The following TEX15 variants were observed in gnomAD, a reference collection of about 807,000 sequenced individuals.
The protein encoded by TEX15 is testis-expressed protein 15.
TEX15 carries 171 observed loss-of-function variants against 237.3 expected under a neutral mutation model. That is an observed-to-expected ratio of 0.72 (90% CI 0.64 to 0.82). The LOEUF is 0.82. Among genes scored for constraint, TEX15 ranks in the 40% least tolerant of loss-of-function variants. TEX15 has a pLI of 0.00. For synonymous variants in TEX15, 1,338 were observed against 1,269.8 expected, an observed-to-expected ratio of 1.05 and a Z score of -1.14; for missense variants, 3,750 against 3,646.5, an observed-to-expected ratio of 1.03 and a Z score of -0.73.
chr8:30,858,504 G>A (rs323358), intron 7 of TEX15, among the ~76,000 whole-genome samples, 164 bp downstream of exon 7: 3,319 of 152,116 alleles, frequency 0.022, 117 homozygotes, highest in African/African-American at 0.075. Context: ...TAGAGACGGG[G>A]TTTTGCTATG....
At position 30,837,024 on chromosome 8, in the gene TEX15, G is replaced by A. The variant is rs747547808; in HGVS notation, c.9260C>T (p.Thr3087Ile). Residue 3087 changes from threonine (T) to isoleucine (I), a missense_variant, in exon 10 of 11, where the codon ACA (threonine) becomes ATA (isoleucine). By Grantham distance (89) the Thr-to-Ile change is moderately conservative. Coordinates refer to ENST00000643185, the MANE Select transcript of TEX15 (RefSeq NM_001350162.2). ...TTGAGAGTACAGAAGATTAGAATGT[G>A]TGCCCTGGGCAGTACTTGCAACTGT... ...LTTVASTAQG[T>I]HSNLLYSQYF... is the part of the protein sequence containing the mutation. 8 of 1,614,148 alleles carry A rather than the reference G, an allele frequency of 5.0e-6. No homozygotes were observed. In the Admixed American group the frequency reaches 1.2e-4, roughly 24 times the overall value.
At chr8:30,897,607 G>C (rs1005162850) in intron 2 of TEX15, among the ~76,000 whole-genome samples, 2 of 152,120 alleles carry the variant, frequency 1.3e-5, no homozygotes, top group African/African-American at 4.8e-5. Context: ...AACCAAATGT[G>C]ACAAAACCAC....
intron 5 of TEX15, 96 bp from the exon 6 acceptor site, chr8:30,860,153 T>C (rs1808014242): frequency 1.8e-6 from 2 of 1,130,320 alleles, no homozygotes; most frequent in South Asian, 3.7e-5. Context: ...CATTGCTTTG[T>C]TTTTCTGAGA....
chr8:30,836,712 A>T, intron 10 of TEX15, 91 bp downstream of exon 10: 1 of 1,159,342 alleles, frequency 8.6e-7, no homozygotes, highest in Non-Finnish European at 1.2e-6. Flanking sequence ...TTCTCCCTCT[A>T]ACTCATCACT....
chr8:30,837,466 T>G lies in TEX15; in HGVS notation c.8818A>C (p.Ile2940Leu). The G allele has an allele frequency of 6.2e-7, 1 of 1,614,098 alleles. No homozygotes were observed. The highest frequency in any genetic ancestry group is 8.5e-7 in the Non-Finnish European group (1 of 1,179,986). ...NSSCMTSPEP[I>L]CIQNKIPTLQ... is the part of the protein sequence containing the mutation. ...GTAGGAATTTTGTTCTGGATACAGATGGGTTCTGGAGAAGTCATGCATGAG... is the reference window on the plus strand; with the variant it reads ...GTAGGAATTTTGTTCTGGATACAGAGGGGTTCTGGAGAAGTCATGCATGAG... The change falls in exon 10 of 11, where the codon ATC becomes CTC. Residue 2940 changes from isoleucine (I) to leucine (L), a missense_variant. By Grantham distance (5) the Ile-to-Leu change is conservative. Transcript: ENST00000643185.
Position 30,847,130 on chromosome 8 carries a change from A to G in TEX15, c.3037T>C (p.Ser1013Pro). ...AACAAACCAAAATCTGGACTTTCAG[A>G]AGAACAAGTTTCTTTAAACTGGTAT... Reference protein sequence around the residue: ...QIYQFKETCSSESPDFGLLVK... With the variant: ...QIYQFKETCSPESPDFGLLVK... Residue 1013 changes from serine to proline, a missense_variant, in exon 8 of 11, where the codon TCT (serine) becomes CCT (proline). Physicochemically the swap from Ser to Pro is moderately conservative, Grantham distance 74 (BLOSUM62 -1). Coordinates refer to ENST00000643185, the MANE Select transcript of TEX15 (RefSeq NM_001350162.2). The G allele has an allele frequency of 6.2e-7, 1 of 1,613,826 alleles. No individual in the cohort carries two copies. Among genetic ancestry groups the G allele is most frequent in the African/African-American group, 1.3e-5 (1 of 75,066 alleles).
chr8:30,898,651 C>A (rs1426930167), intron 2 of TEX15, 91 bp downstream of exon 2: 1 of 151,864 alleles, frequency 6.6e-6, no homozygotes, highest in Non-Finnish European at 1.5e-5. Context: ...TCTTTATTGC[C>A]GAATTATTTA....
intron 2 of TEX15, among the ~76,000 whole-genome samples, chr8:30,889,954 C>CACATATATATATATATATATACATAT (rs1554502343): frequency 1.8e-5 from 2 of 110,086 alleles, no homozygotes; most frequent in Admixed American, 1.8e-4. Flanking sequence ...TATATATATA[C>CACATATATATATATATATATACATAT]ATATATATAT....
At chr8:30,838,176 T>C (rs1217222102) in intron 9 of TEX15, 115 bp from the exon 10 acceptor site, 8 of 950,066 alleles carry the variant, frequency 8.4e-6, no homozygotes, top group Non-Finnish European at 1.2e-5. Flanking sequence ...AGCTTTACGT[T>C]TTCCCATTCT....
intron 2 of TEX15, among the ~76,000 whole-genome samples, chr8:30,897,235 G>T (rs1305815601): frequency 2.6e-5 from 4 of 152,150 alleles, no homozygotes; most frequent in African/African-American, 9.7e-5. Context: ...AAGGTTTAAA[G>T]TTGTATTGTA....
intron 1 of TEX15, among the ~76,000 whole-genome samples, chr8:30,905,126 A>G (rs541021774): frequency 5.9e-5 from 9 of 152,290 alleles, no homozygotes; most frequent in African/African-American, 2.2e-4. Flanking sequence ...CATTCATTTT[A>G]AGATTCTACC....
At chr8:30,873,894 T>C (rs893004150) in intron 4 of TEX15, among the ~76,000 whole-genome samples, 5 of 152,178 alleles carry the variant, frequency 3.3e-5, no homozygotes, top group Admixed American at 1.3e-4. Flanking sequence ...TCATTTACAA[T>C]GTTTTAACAG....
chr8:30,853,035 T>C (rs1244274993), intron 7 of TEX15, among the ~76,000 whole-genome samples: 1 of 152,234 alleles, frequency 6.6e-6, no homozygotes, highest in Non-Finnish European at 1.5e-5. Flanking sequence ...AATATGCTGA[T>C]AGCCAACACA....
intron 1 of TEX15, among the ~76,000 whole-genome samples, chr8:30,905,351 G>A (rs2128779795): frequency 6.6e-6 from 1 of 151,538 alleles, no homozygotes. Flanking sequence ...TAGCATTCTA[G>A]GCAGAGAATG....
intron 2 of TEX15, among the ~76,000 whole-genome samples, chr8:30,890,271 G>T (rs1470046456): frequency 6.6e-6 from 1 of 151,662 alleles, no homozygotes; most frequent in Non-Finnish European, 1.5e-5. Flanking sequence ...AACTTTAAGC[G>T]AATACATTTA....
At chr8:30,852,812 G>A (rs1288007002) in intron 7 of TEX15, among the ~76,000 whole-genome samples, 2 of 152,174 alleles carry the variant, frequency 1.3e-5, no homozygotes, top group Non-Finnish European at 2.9e-5. Context: ...CTACCAAATA[G>A]TTATTAGTAC....
intron 3 of TEX15, among the ~76,000 whole-genome samples, chr8:30,885,332 G>A (rs537903115): frequency 1.1e-4 from 16 of 152,256 alleles, no homozygotes; most frequent in African/African-American, 3.1e-4. Flanking sequence ...TCTCATGATA[G>A]TGAATGGGTC....
chr8:30,883,505 T>C (rs1223210929), intron 3 of TEX15, among the ~76,000 whole-genome samples: 1 of 152,116 alleles, frequency 6.6e-6, no homozygotes, highest in African/African-American at 2.4e-5. Context: ...TCCCTTCCCT[T>C]GACCCCCACC....
chr8:30,876,576 A>AT (rs1182963337), intron 3 of TEX15, among the ~76,000 whole-genome samples: 1 of 152,166 alleles, frequency 6.6e-6, no homozygotes, highest in Admixed American at 6.5e-5. Context: ...CCTGATGTAC[A>AT]GATTGGCAAG....
Sources: allele counts gnomAD v4.1 joint callset (sites outside exome capture counted in the v4.1 genomes callset), GRCh38; gene constraint gnomAD v4.1.1; transcripts MANE v1.5; gene names NCBI Gene and HGNC (gene_info 2026-07-23, HGNC 2026-07-21).